SEPTIN7: variants seen among roughly 807,000 people sequenced by gnomAD.
SEPTIN7 encodes septin 7, also known as septin-7.
Under a neutral mutation model 63.3 loss-of-function variants are expected in SEPTIN7, and 10 were observed. That is an observed-to-expected ratio of 0.16 (90% CI 0.10 to 0.27). The LOEUF (loss-of-function observed/expected upper bound fraction) is 0.27. Among genes scored for constraint, SEPTIN7 ranks in the 10% least tolerant of loss-of-function variants. SEPTIN7 has a pLI of 1.00. For missense variants in SEPTIN7, 310 were observed against 521.0 expected (o/e 0.59, Z 3.94); for synonymous variants, 131 against 165.3 (o/e 0.79, Z 1.59).
intron 4 of SEPTIN7, among the ~76,000 whole-genome samples, chr7:35,870,292 T>A (rs915626871): frequency 6.6e-5 from 10 of 152,170 alleles, no homozygotes; most frequent in African/African-American, 1.7e-4. Context: ...TGATTTTTTT[T>A]AAAAAACAGG....
intron 3 of SEPTIN7, among the ~76,000 whole-genome samples, chr7:35,845,404 T>C (rs1474960122): frequency 6.6e-6 from 1 of 152,180 alleles, no homozygotes; most frequent in Admixed American, 6.5e-5. Context: ...AGCTAAATAT[T>C]TGATTAATCC....
intron 6 of SEPTIN7, among the ~76,000 whole-genome samples, chr7:35,875,413 A>G (rs1786410816): frequency 1.3e-5 from 2 of 152,206 alleles, no homozygotes; most frequent in South Asian, 4.1e-4. Context: ...TGCTCACTAC[A>G]GACTGAAATT....
intron 4 of SEPTIN7, among the ~76,000 whole-genome samples, chr7:35,871,736 G>A (rs1414412773): frequency 6.6e-6 from 1 of 152,176 alleles, no homozygotes; most frequent in African/African-American, 2.4e-5. Context: ...CATACTTGGA[G>A]CCTCTAGCCT....
chr7:35,875,565 A>C (rs1786422312), intron 6 of SEPTIN7, among the ~76,000 whole-genome samples: 3 of 152,214 alleles, frequency 2.0e-5, no homozygotes, highest in Non-Finnish European at 4.4e-5. Context: ...CCCTCTACCA[A>C]GTATGAACTG....
chr7:35,817,018 T>C (rs924095151), intron 1 of SEPTIN7, among the ~76,000 whole-genome samples: 2 of 152,038 alleles, frequency 1.3e-5, no homozygotes, highest in African/African-American at 4.8e-5. Context: ...GTTTTTTTTT[T>C]TTTTACGTTC....
At chr7:35,801,671 C>G (rs1434507809) in intron 1 of SEPTIN7, among the ~76,000 whole-genome samples, 1 of 152,174 alleles carries the variant, frequency 6.6e-6, no homozygotes, top group Admixed American at 6.5e-5. Flanking sequence ...TTCCTCCTGT[C>G]CCCGGCCGCA....
chr7:35,848,736 T>C (rs1158158947), intron 3 of SEPTIN7, among the ~76,000 whole-genome samples: 1 of 152,192 alleles, frequency 6.6e-6, no homozygotes, highest in Non-Finnish European at 1.5e-5. Flanking sequence ...ACTACAAAAT[T>C]GGGATAATCA....
chr7:35,846,357 T>C (rs1784666867), intron 3 of SEPTIN7, among the ~76,000 whole-genome samples: 1 of 152,178 alleles, frequency 6.6e-6, no homozygotes, highest in Non-Finnish European at 1.5e-5. Flanking sequence ...ATTATTGCAG[T>C]GTTTTTCTCT....
intron 3 of SEPTIN7, 90 bp downstream of exon 3, chr7:35,832,990 G>A (rs1783906015): frequency 1.3e-6 from 1 of 750,664 alleles, no homozygotes; most frequent in Non-Finnish European, 2.4e-6. Context: ...CACTGGCACA[G>A]ATATCTACAG....
At chr7:35,861,188 C>G (rs752536423) in intron 3 of SEPTIN7, among the ~76,000 whole-genome samples, 1 of 151,986 alleles carries the variant, frequency 6.6e-6, no homozygotes, top group African/African-American at 2.4e-5. Context: ...TCATTTTGCT[C>G]ATTATTTTCC....
chr7:35,857,840 G>C (rs1785282960), intron 3 of SEPTIN7, among the ~76,000 whole-genome samples: 1 of 152,058 alleles, frequency 6.6e-6, no homozygotes, highest in South Asian at 2.1e-4. Flanking sequence ...AGAATAAAGG[G>C]AGAAACCTTC....
In SEPTIN7 at chr7:35,904,422, AATT is replaced by A. The variant is rs915568239; in HGVS notation, c.*133_*135del. 1.7e-4 allele frequency: 109 copies of A among 657,054 alleles called. No homozygotes were observed. In the African/African-American group the frequency reaches 1.8e-3, roughly 11 times the overall value. The allele number at this position is 657,054 out of a possible 1,614,324, so 40.7% of individuals were successfully genotyped here. A position where few individuals can be genotyped will look rare whatever the true frequency, so the allele number is the denominator to read the frequency against. On this transcript the variant is annotated 3_prime_UTR_variant, in exon 14 of 14. Transcript: ENST00000350320. ...ATGATGGATTTAACAGCATGACAAA[AATT>A]ATTTTTTTTTTTGTTCTTGATGGAG... is the stretch of plus-strand genomic sequence containing the variant.
chr7:35,914,928 A>C, the SEPTIN7 span, among the ~76,000 whole-genome samples: 1 of 152,172 alleles, frequency 6.6e-6, no homozygotes, highest in South Asian at 2.1e-4. Context: ...GTATTTGCAC[A>C]TATGTATATG....
intron 6 of SEPTIN7, among the ~76,000 whole-genome samples, chr7:35,877,760 A>T (rs934587294): frequency 5.9e-5 from 9 of 152,194 alleles, no homozygotes; most frequent in Non-Finnish European, 1.3e-4. Flanking sequence ...ATATTTGGGC[A>T]CCTTCTTGAG....
At chr7:35,812,186 G>C (rs1477963862) in intron 1 of SEPTIN7, 1 of 163,538 alleles carries the variant, frequency 6.1e-6, no homozygotes, top group African/African-American at 2.4e-5. Context: ...CTCAACTTCA[G>C]CTGTGGGCGA....
chr7:35,887,505 C>G (rs1412584178), intron 10 of SEPTIN7, among the ~76,000 whole-genome samples: 1 of 152,180 alleles, frequency 6.6e-6, no homozygotes, highest in Non-Finnish European at 1.5e-5. Context: ...CACCACTACA[C>G]CTGACTAATT....
chr7:35,877,299 A>G (rs4723449), intron 6 of SEPTIN7, among the ~76,000 whole-genome samples: 78,521 of 151,876 alleles, frequency 0.52, 22,004 homozygotes, highest in Admixed American at 0.63. Flanking sequence ...GGAGGCAGCT[A>G]TCTTAATTCT....
rs2116217192 is a variant in SEPTIN7, at chr7:35,872,649, A to G, written c.277-17A>G. ...TGTAATGTATGATATTAACATCTGC[A>G]CCAATTACTCTTACAGGTGGAACAA... On this transcript the variant is annotated splice_polypyrimidine_tract_variant and intron_variant, in intron 4 of 13. Transcript: ENST00000350320. 1 of 1,576,942 alleles carries G rather than the reference A, an allele frequency of 6.3e-7. No individual in the cohort carries two copies. The highest frequency in any genetic ancestry group is 1.1e-5 in the South Asian group (1 of 90,236).
chr7:35,882,527 T>A lies in SEPTIN7; in HGVS notation c.674T>A (p.Phe225Tyr). The change falls in exon 8 of 14, where the codon TTT becomes TAT. Residue 225 changes from phenylalanine to tyrosine, a missense_variant. This residue lies in a region of SEPTIN7 where 255 missense variants were observed against 490.5 expected (regional missense o/e 0.52). Coordinates refer to ENST00000350320, the MANE Select transcript of SEPTIN7 (RefSeq NM_001788.6). ...IQEHKIKIYE[F>Y]PETDDEEENK... ...GAACATAAAATTAAAATATACGAATTTCCAGAAACAGATGATGAAGAAGAA... is the reference window on the plus strand; with the variant it reads ...GAACATAAAATTAAAATATACGAATATCCAGAAACAGATGATGAAGAAGAA... The A allele has an allele frequency of 6.7e-7, 1 of 1,488,120 alleles. No homozygotes were observed. Among genetic ancestry groups the A allele is most frequent in the Admixed American group, 2.2e-5 (1 of 44,660 alleles). 92.2% of individuals were successfully genotyped at this position (1,488,120 alleles called of 1,614,324 possible). A position where few individuals can be genotyped will look rare whatever the true frequency, so the allele number is the denominator to read the frequency against.
Sources: allele counts gnomAD v4.1 joint callset (sites outside exome capture counted in the v4.1 genomes callset), GRCh38; gene constraint gnomAD v4.1.1; regional missense constraint gnomAD v4.1.1; transcripts MANE v1.5; gene names NCBI Gene and HGNC (gene_info 2026-07-23, HGNC 2026-07-21).